Variants in DHRSX observed in about 807,000 individuals in gnomAD.
DHRSX encodes the protein polyprenol dehydrogenase.
In DHRSX, 31 loss-of-function variants were observed where a neutral mutation model predicts 34.0. That is an observed-to-expected ratio of 0.91 (90% CI 0.69 to 1.23). DHRSX has a LOEUF of 1.23. Among genes scored for constraint, DHRSX ranks in the 50% most tolerant of loss-of-function variants. The pLI, the probability that DHRSX is intolerant of heterozygous loss-of-function variation, is 0.00. For synonymous variants in DHRSX, 201 were observed against 183.8 expected (o/e 1.09, Z -0.76); for missense variants, 414 against 428.1 (o/e 0.97, Z 0.29).
intron 3 of DHRSX, among the ~76,000 whole-genome samples, chrX:2,401,148 C>T (rs1295170524): frequency 8.1e-5 from 12 of 147,534 alleles, no homozygotes; most frequent in African/African-American, 2.2e-4. Context: ...TTTTCTCTGT[C>T]GCCCAGGCCG....
Position 2,431,674 on chromosome X carries a change from A to G in DHRSX, c.110-6370T>C, listed in dbSNP as rs193300103. ...ACAGAACCAGGAAACTAAATATCAG[A>G]CGTTCTCACTTCTTACTGGGAGGTA... On this transcript the variant is annotated intron_variant, in intron 1 of 6. Coordinates refer to ENST00000334651, the MANE Select transcript of DHRSX (RefSeq NM_145177.3). Among the ~76,000 whole-genome samples the G allele has an allele frequency of 1.6e-3, 245 of 152,274 alleles. 1 individual carries two copies. Among genetic ancestry groups the G allele is most frequent in the African/African-American group, 5.7e-3 (235 of 41,562 alleles).
chrX:2,265,221 G>C (rs1790086704), intron 5 of DHRSX, among the ~76,000 whole-genome samples: 4 of 54,440 alleles, frequency 7.3e-5, no homozygotes, highest in Admixed American at 5.5e-4. Flanking sequence ...AGGGAGCACT[G>C]TCCCCAGAGC....
At chrX:2,255,449 A>T (rs2041263669) in intron 5 of DHRSX, among the ~76,000 whole-genome samples, 1 of 152,138 alleles carries the variant, frequency 6.6e-6, no homozygotes, top group Non-Finnish European at 1.5e-5. Context: ...ATTTCACGGG[A>T]TGTGAATTCA....
chrX:2,289,135 T>C (rs1393017597), intron 4 of DHRSX, among the ~76,000 whole-genome samples: 1 of 152,070 alleles, frequency 6.6e-6, no homozygotes, highest in Non-Finnish European at 1.5e-5. Flanking sequence ...TTTTTTTTTT[T>C]TTGAAACAGT....
chrX:2,245,621 T>G (rs2016259304), intron 5 of DHRSX, among the ~76,000 whole-genome samples: 1 of 150,152 alleles, frequency 6.7e-6, no homozygotes, highest in Non-Finnish European at 1.5e-5. Context: ...AACGTAGCTC[T>G]TACATATATT....
chrX:2,349,209 G>A (rs1365429338), intron 3 of DHRSX, among the ~76,000 whole-genome samples: 3 of 152,096 alleles, frequency 2.0e-5, no homozygotes, highest in Non-Finnish European at 4.4e-5. Flanking sequence ...CATGTTTATG[G>A]CAGCAGTATT....
At chrX:2,234,116 T>C (rs1355214393) in intron 6 of DHRSX, among the ~76,000 whole-genome samples, 3 of 151,956 alleles carry the variant, frequency 2.0e-5, no homozygotes, top group African/African-American at 4.8e-5. Context: ...CCCTGATCCA[T>C]GCACACAGCT....
At chrX:2,455,741 C>CA (rs752123891) in intron 1 of DHRSX, among the ~76,000 whole-genome samples, 4,443 of 59,610 alleles carry the variant, frequency 0.075, 231 homozygotes, top group South Asian at 0.13. Context: ...AACTTCGTCT[C>CA]AAAAAAAAAA....
intron 3 of DHRSX, among the ~76,000 whole-genome samples, chrX:2,310,707 A>G (rs1205413680): frequency 6.6e-6 from 1 of 151,840 alleles, no homozygotes; most frequent in Non-Finnish European, 1.5e-5. Context: ...ACAGAGAGAA[A>G]GATTGTGACA....
chrX:2,424,152 C>G (rs1225494272), intron 2 of DHRSX, among the ~76,000 whole-genome samples: 2 of 152,126 alleles, frequency 1.3e-5, no homozygotes, highest in African/African-American at 4.8e-5. Context: ...CGGACACACA[C>G]AGAGGGATGA....
intron 1 of DHRSX, among the ~76,000 whole-genome samples, chrX:2,497,992 GACCCTCTT>G (rs1379266498): frequency 6.6e-6 from 1 of 152,168 alleles, no homozygotes; most frequent in East Asian, 1.9e-4. Flanking sequence ...CACAGAGACA[GACCCTCTT>G]ATGGGAATTC....
intron 3 of DHRSX, among the ~76,000 whole-genome samples, chrX:2,329,066 G>A (rs1291936178): frequency 1.1e-4 from 17 of 152,044 alleles, no homozygotes; most frequent in East Asian, 1.9e-4. Flanking sequence ...TTAATTATTC[G>A]GTGAAGAAAT....
intron 3 of DHRSX, among the ~76,000 whole-genome samples, chrX:2,303,102 C>G (rs1189403657): frequency 6.6e-6 from 1 of 152,124 alleles, no homozygotes; most frequent in African/African-American, 2.4e-5. Context: ...AAAGCACAAG[C>G]TGAGCTTCCA....
rs193156963 is a variant in DHRSX, at chrX:2,407,092, G to A, written c.286+1653C>T. Among the ~76,000 whole-genome samples the A allele has an allele frequency of 6.3e-4, 96 of 152,272 alleles. 1 individual carries two copies. Among genetic ancestry groups the A allele is most frequent in the African/African-American group, 2.1e-3 (87 of 41,560 alleles). On this transcript the variant is annotated intron_variant, in intron 3 of 6. Coordinates refer to ENST00000334651, the MANE Select transcript of DHRSX (RefSeq NM_145177.3). ...TGGAATACTATGCAGCCATGAAAAA[G>A]GAGGAAATCCTATCTCCTGCAGCAA...
At chrX:2,312,042 G>A (rs948946193) in intron 3 of DHRSX, among the ~76,000 whole-genome samples, 5 of 152,022 alleles carry the variant, frequency 3.3e-5, no homozygotes, top group Admixed American at 6.6e-5. Flanking sequence ...AAATCCCCAC[G>A]CCACCACCCA....
intron 6 of DHRSX, among the ~76,000 whole-genome samples, chrX:2,233,763 G>A (rs932348057): frequency 2.0e-4 from 30 of 151,250 alleles, no homozygotes; most frequent in African/African-American, 6.8e-4. Context: ...AGGCACAAGT[G>A]CAGGAAAAAA....
In DHRSX at chrX:2,245,265, G is replaced by A. The variant is rs763316645; in HGVS notation, c.597-2035C>T. Among the ~76,000 whole-genome samples the A allele has an allele frequency of 2.0e-5, 3 of 152,150 alleles. No homozygotes were observed. In the East Asian group the frequency reaches 5.8e-4, roughly 30 times the overall value. ...CTGTGTCTCACCTACCTGTGAGCTGGAAGCCCCCTCCCTGCTTCCAGTTGT... is the reference window on the plus strand; with the variant it reads ...CTGTGTCTCACCTACCTGTGAGCTGAAAGCCCCCTCCCTGCTTCCAGTTGT... On this transcript the variant is annotated intron_variant, in intron 5 of 6. Transcript: ENST00000334651.
At chrX:2,425,348 C>A in intron 1 of DHRSX, 44 bp from the exon 2 acceptor site, 1 of 1,523,644 alleles carries the variant, frequency 6.6e-7, no homozygotes, top group Non-Finnish European at 9.1e-7. Flanking sequence ...GATTTGAAAG[C>A]AGAGCACATA....
chrX:2,349,326 C>T (rs1338781580), intron 3 of DHRSX, among the ~76,000 whole-genome samples: 1 of 148,122 alleles, frequency 6.8e-6, no homozygotes, highest in African/African-American at 2.6e-5. Context: ...CAGACTGACA[C>T]TCCGTCTCAA....
Sources: allele counts gnomAD v4.1 joint callset (sites outside exome capture counted in the v4.1 genomes callset), GRCh38; gene constraint gnomAD v4.1.1; transcripts MANE v1.5; gene names NCBI Gene and HGNC (gene_info 2026-07-23, HGNC 2026-07-21).